The following ZNF169 variants were observed in gnomAD, a reference collection of about 807,000 sequenced individuals.
ZNF169 encodes the protein zinc finger protein 169.
Under a neutral mutation model 12.0 loss-of-function variants are expected in ZNF169, and 11 were observed. The ratio of observed to expected loss-of-function variants is 0.92; its 90% CI spans 0.58 to 1.52. The LOEUF (loss-of-function observed/expected upper bound fraction) is 1.52. Among genes scored for constraint, ZNF169 ranks in the 40% most tolerant of loss-of-function variants. The pLI is 0.00. For missense variants in ZNF169, 722 were observed against 744.0 expected, an observed-to-expected ratio of 0.97 and a Z score of 0.34; for synonymous variants, 302 against 286.5, an observed-to-expected ratio of 1.05 and a Z score of -0.55.
chr9:94,299,806 C>T lies in ZNF169; in HGVS notation c.257-9C>T. On this transcript the variant is annotated splice_polypyrimidine_tract_variant and intron_variant, in intron 4 of 4. Coordinates refer to ENST00000395395, the MANE Select transcript of ZNF169 (RefSeq NM_194320.4). ...GTGGTGATTCTGACCAAGACTTTCT[C>T]TCTAGCAGAGCCTAGAACAGAATTC... 6.2e-7 allele frequency: 1 copy of T among 1,604,502 alleles called. No homozygotes were observed. Among genetic ancestry groups the T allele is most frequent in the Non-Finnish European group, 8.5e-7 (1 of 1,175,126 alleles).
At chr9:94,266,066 A>G (rs890277201) in intron 1 of ZNF169, among the ~76,000 whole-genome samples, 2 of 136,492 alleles carry the variant, frequency 1.5e-5, no homozygotes, top group African/African-American at 5.3e-5. Flanking sequence ...AGCCTGGGCA[A>G]CAGAGAAAGA....
At chr9:94,263,387 G>A (rs796126311) in intron 1 of ZNF169, among the ~76,000 whole-genome samples, 1 of 152,186 alleles carries the variant, frequency 6.6e-6, no homozygotes, top group African/African-American at 2.4e-5. Flanking sequence ...TTATCTGATA[G>A]TAATATAGCC....
At chr9:94,277,545 A>G (rs2118588975) in intron 1 of ZNF169, among the ~76,000 whole-genome samples, 1 of 152,266 alleles carries the variant, frequency 6.6e-6, no homozygotes, top group East Asian at 1.9e-4. Flanking sequence ...GTAAGTCATG[A>G]TATACAGGGT....
In ZNF169 at chr9:94,275,665, T is replaced by C. The variant is rs572894875; in HGVS notation, c.-55-3093T>C. Among the ~76,000 whole-genome samples the C allele has an allele frequency of 2.6e-5, 4 of 152,326 alleles. No individual in the cohort carries two copies. In the South Asian group the frequency reaches 8.3e-4, roughly 32 times the overall value. On this transcript the variant is annotated intron_variant, in intron 1 of 4. Coordinates refer to ENST00000395395, the MANE Select transcript of ZNF169 (RefSeq NM_194320.4). ...CAGTCCGTGGGTTGTCTTTTCATTA[T>C]CTTATCAGTGATGTAAAATAGGAGT...
chr9:94,263,836 T>A (rs1830245898), intron 1 of ZNF169, among the ~76,000 whole-genome samples: 1 of 152,088 alleles, frequency 6.6e-6, no homozygotes, highest in African/African-American at 2.4e-5. Flanking sequence ...AATTGAATTT[T>A]TTTTTTTTTT....
chr9:94,264,516 T>C (rs1460755922), intron 1 of ZNF169, among the ~76,000 whole-genome samples: 1 of 152,214 alleles, frequency 6.6e-6, no homozygotes, highest in Non-Finnish European at 1.5e-5. Flanking sequence ...TCTGGTGATC[T>C]TCAATCACCA....
At chr9:94,260,811 C>CTTTT (rs1830189276) in intron 1 of ZNF169, among the ~76,000 whole-genome samples, 1 of 114,058 alleles carries the variant, frequency 8.8e-6, no homozygotes, top group African/African-American at 3.1e-5. Flanking sequence ...TCCAAACCTA[C>CTTTT]ATTTTTTTTT....
intron 1 of ZNF169, among the ~76,000 whole-genome samples, chr9:94,274,681 G>A (rs1830490942): frequency 6.6e-6 from 1 of 152,180 alleles, no homozygotes; most frequent in African/African-American, 2.4e-5. Context: ...ACTTACATTA[G>A]CCTACAGTTG....
chr9:94,278,743 C>G lies in ZNF169; in HGVS notation c.-55-15C>G. On this transcript the variant is annotated splice_polypyrimidine_tract_variant and intron_variant, in intron 1 of 4. Coordinates refer to ENST00000395395, the MANE Select transcript of ZNF169 (RefSeq NM_194320.4). ...CTTCCCAAGTACCTCTCTCACTTCT[C>G]ATCTCTTTCCCCAGATTTGCCTCTG... 1.3e-6 allele frequency: 2 copies of G among 1,492,122 alleles called. No individual in the cohort carries two copies. Among genetic ancestry groups the G allele is most frequent in the Non-Finnish European group, 1.9e-6 (2 of 1,073,146 alleles). The allele number at this position is 1,492,122 out of a possible 1,614,324, so 92.4% of individuals were successfully genotyped here.
At chr9:94,282,502 G>A (rs1449487324) in intron 2 of ZNF169, among the ~76,000 whole-genome samples, 1 of 152,204 alleles carries the variant, frequency 6.6e-6, no homozygotes, top group Non-Finnish European at 1.5e-5. Context: ...GAGAGGGACA[G>A]TTACATTCTT....
chr9:94,299,579 T>G, intron 4 of ZNF169: 1 of 1,361,702 alleles, frequency 7.3e-7, no homozygotes, highest in African/African-American at 1.5e-5. Context: ...AATGTGTAAC[T>G]CTACTTGCAG....
chr9:94,278,003 C>T (rs1830556378), intron 1 of ZNF169, among the ~76,000 whole-genome samples: 1 of 151,870 alleles, frequency 6.6e-6, no homozygotes, highest in Non-Finnish European at 1.5e-5. Context: ...TAATTCTCAT[C>T]ACATATTGAA....
intron 2 of ZNF169, among the ~76,000 whole-genome samples, chr9:94,289,185 G>A (rs1217638256): frequency 6.6e-6 from 1 of 151,876 alleles, no homozygotes; most frequent in Non-Finnish European, 1.5e-5. Flanking sequence ...GATTGCTGGA[G>A]CTCAGGAGTT....
Position 94,301,000 on chromosome 9 carries a change from C to G in ZNF169, c.1442C>G (p.Thr481Arg). The change falls in exon 5 of 5, where the codon ACA becomes AGA. Residue 481 changes from threonine (T) to arginine (R), a missense_variant. Thr to Arg is a moderately conservative substitution (Grantham distance 71). Coordinates refer to ENST00000395395, the MANE Select transcript of ZNF169 (RefSeq NM_194320.4). ...VTLIRHQRTH[T>R]GEKPYLCPKC... ...CTCATCAGACACCAGAGGACACACACAGGGGAGAAGCCTTATCTGTGCCCC... is the reference window on the plus strand; with the variant it reads ...CTCATCAGACACCAGAGGACACACAGAGGGGAGAAGCCTTATCTGTGCCCC... The G allele has an allele frequency of 6.2e-7, 1 of 1,614,134 alleles. No individual in the cohort carries two copies. The highest frequency in any genetic ancestry group is 8.5e-7 in the Non-Finnish European group (1 of 1,180,024).
chr9:94,292,578 C>T (rs985616543), intron 3 of ZNF169, 111 bp downstream of exon 3: 6 of 1,415,290 alleles, frequency 4.2e-6, no homozygotes, highest in Non-Finnish European at 4.8e-6. Context: ...CCCTATTCCC[C>T]CAGAGAATGC....
At chr9:94,283,143 G>A (rs1830669477) in intron 2 of ZNF169, among the ~76,000 whole-genome samples, 1 of 152,172 alleles carries the variant, frequency 6.6e-6, no homozygotes, top group Admixed American at 6.5e-5. Context: ...GGGTGTGTTG[G>A]CTCATGCCTG....
chr9:94,289,357 C>T (rs1230717866), intron 2 of ZNF169, among the ~76,000 whole-genome samples: 1 of 152,140 alleles, frequency 6.6e-6, no homozygotes, highest in East Asian at 1.9e-4. Context: ...CATGATCATG[C>T]TGCTGCACTC....
At chr9:94,289,122 A>G (rs1252517498) in intron 2 of ZNF169, among the ~76,000 whole-genome samples, 2 of 152,170 alleles carry the variant, frequency 1.3e-5, no homozygotes, top group Non-Finnish European at 2.9e-5. Flanking sequence ...TAAAATGGCC[A>G]GGTGTGGTGG....
At chr9:94,283,306 G>T (rs781349361) in intron 2 of ZNF169, among the ~76,000 whole-genome samples, 1 of 152,172 alleles carries the variant, frequency 6.6e-6, no homozygotes, top group Non-Finnish European at 1.5e-5. Context: ...TACTCGGAAG[G>T]CTGAGGCAGG....
Sources: gnomAD v4.1 joint callset for allele counts (sites outside exome capture counted in the v4.1 genomes callset) on GRCh38, gnomAD v4.1.1 for gene constraint, MANE v1.5 for transcripts, NCBI Gene and HGNC (gene_info 2026-07-23, HGNC 2026-07-21) for gene names.